RAPGEF6: variants seen among roughly 807,000 people sequenced by gnomAD.
RAPGEF6 encodes the protein Rap guanine nucleotide exchange factor 6.
Under a neutral mutation model 171.4 loss-of-function variants are expected in RAPGEF6, and 56 were observed. That is an observed-to-expected ratio of 0.33 (90% confidence interval 0.26 to 0.41). The LOEUF (loss-of-function observed/expected upper bound fraction) is 0.41. Among genes scored for constraint, RAPGEF6 ranks in the 10% least tolerant of loss-of-function variants. RAPGEF6 has a pLI of 1.00. For missense variants in RAPGEF6, 1,674 were observed against 1,921.4 expected (o/e 0.87, Z 2.41); for synonymous variants, 692 against 650.1 (o/e 1.06, Z -0.98).
At chr5:131,433,280 A>G (rs1320426232) in intron 25 of RAPGEF6, 150 bp downstream of exon 25, 15 of 642,206 alleles carry the variant, frequency 2.3e-5, no homozygotes. Context: ...TTACATATTC[A>G]GAATAGAGAA....
rs1438441978 is a variant in RAPGEF6 at position 131,453,083 on chromosome 5, G to A, written c.3171C>T (p.Asn1057=). 6.2e-7 allele frequency: 1 copy of A among 1,614,024 alleles called. No homozygotes were observed. The highest frequency in any genetic ancestry group is 1.7e-5 in the Admixed American group (1 of 60,024). The change falls in exon 21 of 28, where the codon AAC becomes AAT. Residue 1057 remains asparagine, a synonymous_variant. Transcript: ENST00000509018. ...GTCGAAACATCATAGCTGGGTCCAT[G>A]TTAGCAGAAGTCATTCGAACAACTT... is the stretch of plus-strand genomic sequence containing the variant. ...IRQVVRMTSA[N]MDPAMMFRQR...
intron 13 of RAPGEF6, among the ~76,000 whole-genome samples, chr5:131,495,201 G>A (rs1378255789): frequency 1.3e-5 from 2 of 151,876 alleles, no homozygotes; most frequent in Non-Finnish European, 2.9e-5. Flanking sequence ...GTTGAGGTAG[G>A]AGAGAATTGC....
At chr5:131,596,819 C>A (rs1763932017) in intron 3 of RAPGEF6, among the ~76,000 whole-genome samples, 3 of 152,190 alleles carry the variant, frequency 2.0e-5, no homozygotes, top group Admixed American at 6.5e-5. Flanking sequence ...TGCTATACAA[C>A]ACTGTGCTAG....
intron 4 of RAPGEF6, among the ~76,000 whole-genome samples, chr5:131,591,069 T>C (rs1763557971): frequency 6.6e-6 from 1 of 152,214 alleles, no homozygotes; most frequent in South Asian, 2.1e-4. Flanking sequence ...GCACATTTCA[T>C]TTAACCAAAG....
chr5:131,546,128 G>A (rs1458210500), intron 6 of RAPGEF6, among the ~76,000 whole-genome samples: 2 of 152,072 alleles, frequency 1.3e-5, no homozygotes, highest in Non-Finnish European at 2.9e-5. Flanking sequence ...AAAAAAATCT[G>A]GGAAAAGAAG....
At position 131,436,400 on chromosome 5, in the gene RAPGEF6, A is replaced by C. The variant is rs537531919; in HGVS notation, c.3746-2742T>G. On this transcript the variant is annotated intron_variant, in intron 24 of 27. Coordinates refer to ENST00000509018, the MANE Select transcript of RAPGEF6 (RefSeq NM_016340.6). ...CTGCCAACTGGAGGGAGAGATGCAA[A>C]AACCCTGACATGGTCAATCACAATT... 9.7e-5 allele frequency: 148 copies of C among 1,527,988 alleles called. No individual in the cohort carries two copies. In the African/African-American group the frequency reaches 1.9e-3, roughly 19 times the overall value. 94.7% of individuals were successfully genotyped at this position (1,527,988 alleles called of 1,614,324 possible).
chr5:131,557,149 C>T (rs1375901773), intron 5 of RAPGEF6, among the ~76,000 whole-genome samples: 1 of 152,208 alleles, frequency 6.6e-6, no homozygotes, highest in African/African-American at 2.4e-5. Context: ...TCCTTTATCC[C>T]CATTTTTAAA....
intron 21 of RAPGEF6, among the ~76,000 whole-genome samples, chr5:131,450,635 T>C (rs1192050606): frequency 3.3e-5 from 5 of 152,190 alleles, no homozygotes; most frequent in Admixed American, 1.3e-4. Context: ...TTTGATTGAC[T>C]AAAGATTCTA....
At chr5:131,570,353 G>A (rs773403849) in intron 4 of RAPGEF6, among the ~76,000 whole-genome samples, 2 of 152,174 alleles carry the variant, frequency 1.3e-5, no homozygotes, top group South Asian at 2.1e-4. Context: ...ACCAAGTGGT[G>A]GTCAGAATGT....
intron 6 of RAPGEF6, among the ~76,000 whole-genome samples, chr5:131,524,691 C>G (rs997176478): frequency 3.3e-5 from 5 of 151,946 alleles, no homozygotes; most frequent in African/African-American, 1.2e-4. Flanking sequence ...TCTCGGCTCA[C>G]TGCAACCTCT....
chr5:131,544,394 C>G (rs978194052), intron 6 of RAPGEF6, among the ~76,000 whole-genome samples: 2 of 151,940 alleles, frequency 1.3e-5, no homozygotes, highest in Non-Finnish European at 2.9e-5. Context: ...TTGATGCACA[C>G]GACAGGGAAA....
At chr5:131,523,278 GCT>G (rs1491199917) in intron 6 of RAPGEF6, among the ~76,000 whole-genome samples, 1 of 82,272 alleles carries the variant, frequency 1.2e-5, no homozygotes, top group East Asian at 3.7e-4. Context: ...TCTGTTGTAT[GCT>G]TTTTTTTTTT....
At chr5:131,613,965 T>A (rs1303855072) in intron 1 of RAPGEF6, among the ~76,000 whole-genome samples, 1 of 151,352 alleles carries the variant, frequency 6.6e-6, no homozygotes, top group Non-Finnish European at 1.5e-5. Context: ...CAGGGTTGTA[T>A]TAGTCCATTC....
At chr5:131,478,241 T>C in intron 16 of RAPGEF6, among the ~76,000 whole-genome samples, 1 of 152,116 alleles carries the variant, frequency 6.6e-6, no homozygotes, top group East Asian at 1.9e-4. Context: ...AACTTCGAGA[T>C]TTTTAATTAT....
intron 1 of RAPGEF6, among the ~76,000 whole-genome samples, chr5:131,613,211 C>A (rs372233749): frequency 1.3e-5 from 2 of 152,140 alleles, no homozygotes; most frequent in East Asian, 1.9e-4. Flanking sequence ...GAGATCAAGA[C>A]CATCCTGTCT....
chr5:131,488,397 C>G (rs1249946020), intron 15 of RAPGEF6, among the ~76,000 whole-genome samples: 2 of 152,096 alleles, frequency 1.3e-5, no homozygotes, highest in Non-Finnish European at 2.9e-5. Flanking sequence ...CTTGGAAAGA[C>G]TAAATAATTT....
chr5:131,477,213 G>A (rs1490015050), intron 16 of RAPGEF6, among the ~76,000 whole-genome samples: 1 of 152,168 alleles, frequency 6.6e-6, no homozygotes, highest in Non-Finnish European at 1.5e-5. Context: ...AGTCTGATAG[G>A]TAAGACAGCT....
chr5:131,575,250 C>A (rs1314285528), intron 4 of RAPGEF6, among the ~76,000 whole-genome samples: 1 of 152,156 alleles, frequency 6.6e-6, no homozygotes, highest in African/African-American at 2.4e-5. Flanking sequence ...GAGACAGCCC[C>A]CATTACTTTA....
At chr5:131,616,215 G>A (rs1765253501) in intron 1 of RAPGEF6, among the ~76,000 whole-genome samples, 1 of 152,194 alleles carries the variant, frequency 6.6e-6, no homozygotes, top group Non-Finnish European at 1.5e-5. Flanking sequence ...GATAAGCTGA[G>A]GTGGGTGGAC....
Sources: gnomAD v4.1 joint callset for allele counts (sites outside exome capture counted in the v4.1 genomes callset) on GRCh38, gnomAD v4.1.1 for gene constraint, MANE v1.5 for transcripts, NCBI Gene and HGNC (gene_info 2026-07-23, HGNC 2026-07-21) for gene names.